DDX10: variants seen among roughly 807,000 people sequenced by gnomAD.
DDX10 encodes DEAD-box helicase 10, also known as probable ATP-dependent RNA helicase DDX10.
DDX10 carries 74 observed loss-of-function variants against 104.3 expected under a neutral mutation model. The ratio of observed to expected loss-of-function variants is 0.71; its 90% CI spans 0.59 to 0.86. The LOEUF is 0.86. Among genes scored for constraint, DDX10 ranks in the 40% least tolerant of loss-of-function variants. The pLI, the probability that DDX10 is intolerant of heterozygous loss-of-function variation, is 0.00. For missense variants in DDX10, 952 were observed against 1,040.0 expected, an observed-to-expected ratio of 0.92 and a Z score of 1.16; for synonymous variants, 351 against 353.4, an observed-to-expected ratio of 0.99 and a Z score of 0.08.
chr11:108,884,307 T>A (rs1001250026), intron 16 of DDX10, among the ~76,000 whole-genome samples: 2 of 152,192 alleles, frequency 1.3e-5, no homozygotes, highest in African/African-American at 4.8e-5. Context: ...TCCTTTAACA[T>A]ACCAGGCACA....
chr11:108,924,535 T>C (rs1863882995), intron 17 of DDX10, among the ~76,000 whole-genome samples: 1 of 152,186 alleles, frequency 6.6e-6, no homozygotes, highest in South Asian at 2.1e-4. Flanking sequence ...GGTCTGCATG[T>C]TTGTTCTTTT....
intron 13 of DDX10, among the ~76,000 whole-genome samples, chr11:108,804,511 A>AC (rs1862070159): frequency 6.6e-6 from 1 of 151,412 alleles, no homozygotes; most frequent in Admixed American, 6.6e-5. Flanking sequence ...AAAAAAAAAA[A>AC]AAAAAAACCC....
At chr11:108,667,203 A>G (rs1481620870) in intron 1 of DDX10, among the ~76,000 whole-genome samples, 1 of 152,192 alleles carries the variant, frequency 6.6e-6, no homozygotes, top group Non-Finnish European at 1.5e-5. Flanking sequence ...TTCCCTTGTA[A>G]TACAAAAGCT....
intron 15 of DDX10, among the ~76,000 whole-genome samples, chr11:108,849,548 A>T (rs1862764164): frequency 6.6e-6 from 1 of 152,094 alleles, no homozygotes; most frequent in South Asian, 2.1e-4. Flanking sequence ...ATATCTATAA[A>T]GGTAGTATTT....
intron 1 of DDX10, among the ~76,000 whole-genome samples, chr11:108,667,852 T>G (rs2094212006): frequency 6.6e-6 from 1 of 152,226 alleles, no homozygotes; most frequent in South Asian, 2.1e-4. Flanking sequence ...TAGCATTTTG[T>G]AGATACCTTT....
chr11:108,879,908 T>C (rs891723621), intron 16 of DDX10, among the ~76,000 whole-genome samples: 7 of 152,226 alleles, frequency 4.6e-5, no homozygotes, highest in Admixed American at 1.3e-4. Context: ...TTTATAGATA[T>C]TACTGCATAT....
intron 15 of DDX10, 26 bp downstream of exon 15, chr11:108,841,502 C>T: frequency 6.2e-7 from 1 of 1,607,192 alleles, no homozygotes; most frequent in Non-Finnish European, 8.5e-7. Flanking sequence ...TGAATTCATA[C>T]TGAGTAAAAT....
At chr11:108,771,191 A>G (rs531373627) in intron 13 of DDX10, among the ~76,000 whole-genome samples, 2 of 152,020 alleles carry the variant, frequency 1.3e-5, no homozygotes, top group African/African-American at 4.8e-5. Flanking sequence ...TCATATTTTG[A>G]TCAGATTATT....
intron 13 of DDX10, chr11:108,822,632 C>T (rs1362924792): frequency 1.2e-5 from 2 of 162,328 alleles, no homozygotes; most frequent in African/African-American, 4.8e-5. Flanking sequence ...ATCTTCTTGC[C>T]TTTCTCAGCA....
chr11:108,831,561 G>C (rs938133860), intron 13 of DDX10, among the ~76,000 whole-genome samples: 1 of 151,684 alleles, frequency 6.6e-6, no homozygotes, highest in Non-Finnish European at 1.5e-5. Flanking sequence ...AGATAAAATG[G>C]TTTTCATTAT....
At chr11:108,748,841 T>A (rs2094334918) in intron 13 of DDX10, among the ~76,000 whole-genome samples, 2 of 152,132 alleles carry the variant, frequency 1.3e-5, no homozygotes, top group Non-Finnish European at 2.9e-5. Flanking sequence ...CTATCATGCC[T>A]GCCTAATGTT....
intron 17 of DDX10, among the ~76,000 whole-genome samples, chr11:108,926,370 C>T (rs1565321264): frequency 6.6e-6 from 1 of 152,020 alleles, no homozygotes; most frequent in Non-Finnish European, 1.5e-5. Context: ...CCCCAAATGG[C>T]GTTGTAGATA....
chr11:108,784,823 A>C (rs1000852084), intron 13 of DDX10, among the ~76,000 whole-genome samples: 1 of 152,164 alleles, frequency 6.6e-6, no homozygotes, highest in Non-Finnish European at 1.5e-5. Context: ...TTATAGTTTG[A>C]GGTCTTACAT....
At chr11:108,875,745 G>C (rs1052560811) in intron 16 of DDX10, among the ~76,000 whole-genome samples, 1 of 152,112 alleles carries the variant, frequency 6.6e-6, no homozygotes, top group African/African-American at 2.4e-5. Flanking sequence ...GCACTTTCAC[G>C]TTTCGCGGTC....
intron 13 of DDX10, among the ~76,000 whole-genome samples, chr11:108,818,005 A>G (rs1443692229): frequency 1.3e-5 from 2 of 152,236 alleles, no homozygotes; most frequent in Admixed American, 1.3e-4. Context: ...AGTGAATTTT[A>G]TACAGCAGTG....
intron 13 of DDX10, among the ~76,000 whole-genome samples, chr11:108,726,511 A>G (rs61914008): frequency 0.12 from 18,646 of 152,060 alleles, 1,557 homozygotes; most frequent in East Asian, 0.27. Context: ...TGTTGCCAGT[A>G]TATAGAAATA....
chr11:108,897,524 C>G (rs1218182932), intron 16 of DDX10, among the ~76,000 whole-genome samples: 1 of 152,086 alleles, frequency 6.6e-6, no homozygotes, highest in Non-Finnish European at 1.5e-5. Flanking sequence ...GGGACTAGTT[C>G]CTTGGCAGGG....
chr11:108,927,635 C>CTTT (rs147115643), intron 17 of DDX10, among the ~76,000 whole-genome samples: 2 of 146,504 alleles, frequency 1.4e-5, no homozygotes, highest in Non-Finnish European at 3.0e-5. Context: ...GCACTTGGAA[C>CTTT]TTTTTTTTTT....
At chr11:108,828,420 G>A (rs566350734) in intron 13 of DDX10, among the ~76,000 whole-genome samples, 1 of 152,222 alleles carries the variant, frequency 6.6e-6, no homozygotes, top group African/African-American at 2.4e-5. Flanking sequence ...TTCCATTACT[G>A]ACTTACTTTA....
Sources: allele counts gnomAD v4.1 joint callset (sites outside exome capture counted in the v4.1 genomes callset), GRCh38; gene constraint gnomAD v4.1.1; transcripts MANE v1.5; gene names NCBI Gene and HGNC (gene_info 2026-07-23, HGNC 2026-07-21).